The following PCNX2 variants were observed in gnomAD, a reference collection of about 807,000 sequenced individuals.
The protein encoded by PCNX2 is pecanex-like protein 2.
In PCNX2, 168 loss-of-function variants were observed where a neutral mutation model predicts 223.8. The ratio of observed to expected loss-of-function variants is 0.75; its 90% CI spans 0.66 to 0.85. The LOEUF (loss-of-function observed/expected upper bound fraction) is 0.85, where lower values mean the gene tolerates loss of function less well. Among genes scored for constraint, PCNX2 ranks in the 40% least tolerant of loss-of-function variants. The pLI is 0.00. For missense variants in PCNX2, 2,507 were observed against 2,675.5 expected (o/e 0.94, Z 1.39); for synonymous variants, 1,006 against 1,052.6 (o/e 0.96, Z 0.86).
chr1:233,205,921 G>A (rs1367147719), intron 13 of PCNX2, among the ~76,000 whole-genome samples: 1 of 152,144 alleles, frequency 6.6e-6, no homozygotes, highest in Non-Finnish European at 1.5e-5. Flanking sequence ...TACAAAATGG[G>A]CTAAGGACTA....
chr1:233,013,191 A>C (rs1670527138), intron 28 of PCNX2, among the ~76,000 whole-genome samples: 3 of 152,212 alleles, frequency 2.0e-5, no homozygotes. Context: ...TGAGACTTTA[A>C]GGGTCAGAGT....
chr1:233,114,976 A>T (rs1193308768), intron 21 of PCNX2, among the ~76,000 whole-genome samples: 1 of 152,078 alleles, frequency 6.6e-6, no homozygotes, highest in Non-Finnish European at 1.5e-5. Context: ...AAGATTAAAC[A>T]ATGCAAAACA....
intron 21 of PCNX2, among the ~76,000 whole-genome samples, chr1:233,131,294 A>T (rs115060994): frequency 1.5e-3 from 231 of 152,306 alleles, no homozygotes; most frequent in Non-Finnish European, 2.7e-3. Flanking sequence ...TTGTGCAAGG[A>T]ATTGTCCCAG....
At chr1:232,998,967 G>T in intron 31 of PCNX2, 138 bp downstream of exon 31, 1 of 933,414 alleles carries the variant, frequency 1.1e-6, no homozygotes, top group South Asian at 1.9e-5. Context: ...TCTGTTCGAT[G>T]CCACTTGGGG....
At chr1:233,096,797 T>A (rs1407009502) in intron 21 of PCNX2, among the ~76,000 whole-genome samples, 1 of 152,050 alleles carries the variant, frequency 6.6e-6, no homozygotes, top group Non-Finnish European at 1.5e-5. Context: ...AAACAGAAGG[T>A]CACAATGAAA....
chr1:232,984,757 T>G (rs1669407262), intron 33 of PCNX2: 1 of 347,608 alleles, frequency 2.9e-6, no homozygotes, highest in African/African-American at 2.1e-5. Flanking sequence ...GGGGCATTTG[T>G]GCGCCTGGCT....
At chr1:233,289,432 C>T (rs749693697) in intron 1 of PCNX2, 27 of 1,404,358 alleles carry the variant, frequency 1.9e-5, no homozygotes, top group East Asian at 2.3e-5. Flanking sequence ...ACGATCTTGG[C>T]GCTCGTACTG....
At position 232,998,322 on chromosome 1, in the gene PCNX2, C is replaced by G; in HGVS notation, c.5720G>C (p.Ser1907Thr). 1.2e-6 allele frequency: 2 copies of G among 1,613,070 alleles called. No individual in the cohort carries two copies. Among genetic ancestry groups the G allele is most frequent in the Non-Finnish European group, 1.7e-6 (2 of 1,179,558 alleles). The change falls in exon 32 of 34, where the codon AGC becomes ACC. Residue 1907 changes from serine (S) to threonine (T), a missense_variant. By Grantham distance (58) the Ser-to-Thr change is moderately conservative (BLOSUM62 1). Around this residue, in one of 3 missense-constraint regions of PCNX2, gnomAD observed 1,372 missense variants for 1,509.4 expected, o/e 0.91. Coordinates refer to ENST00000258229, the MANE Select transcript of PCNX2 (RefSeq NM_014801.4). ...GCCTTTTCTGGGCTGTTCTGCGCTG[C>G]TCTCCTGGCTGCCACCACTCGGGGC... ...NNAPSGGSQE[S>T]SAEQPRKGGA...
chr1:233,006,194 G>C (rs879408915), intron 28 of PCNX2, among the ~76,000 whole-genome samples: 3 of 152,140 alleles, frequency 2.0e-5, no homozygotes, highest in African/African-American at 7.2e-5. Flanking sequence ...AAAATGTCAC[G>C]CTTTCAGATG....
intron 2 of PCNX2, among the ~76,000 whole-genome samples, chr1:233,262,732 T>C (rs1660121082): frequency 6.6e-6 from 1 of 152,116 alleles, no homozygotes; most frequent in South Asian, 2.1e-4. Flanking sequence ...CTAGATCTTA[T>C]GAGAAGGTCA....
At chr1:233,131,373 G>A (rs1009317512) in intron 21 of PCNX2, among the ~76,000 whole-genome samples, 6 of 151,808 alleles carry the variant, frequency 4.0e-5, no homozygotes, top group Admixed American at 3.9e-4. Context: ...CATTCAAAGA[G>A]ACTTTTTTTT....
chr1:233,179,206 C>T, intron 15 of PCNX2, 31 bp from the exon 16 acceptor site: 1 of 1,606,044 alleles, frequency 6.2e-7, no homozygotes, highest in Non-Finnish European at 8.5e-7. Flanking sequence ...AGCCAAGTCA[C>T]TCCACAGCTG....
chr1:233,207,375 C>G lies in PCNX2; in HGVS notation c.2863+1143G>C, dbSNP rs928096053. On this transcript the variant is annotated intron_variant, in intron 13 of 33. Transcript: ENST00000258229. ...GATTTCCAGCTGGCAAGCGAGAGAT[C>G]CAGCTAGTGATGTTGGTAGAAGCTG... is the stretch of plus-strand genomic sequence containing the variant. Among the ~76,000 whole-genome samples the G allele has an allele frequency of 2.6e-5, 4 of 152,170 alleles. No homozygotes were observed. In the East Asian group the frequency reaches 7.7e-4, roughly 29 times the overall value.
intron 32 of PCNX2, among the ~76,000 whole-genome samples, chr1:232,993,295 A>G (rs986108319): frequency 1.3e-5 from 2 of 152,218 alleles, no homozygotes; most frequent in Non-Finnish European, 2.9e-5. Flanking sequence ...TAGAACAAAG[A>G]TCACTCTTGC....
chr1:233,244,240 A>G (rs1658965155), intron 8 of PCNX2, among the ~76,000 whole-genome samples: 1 of 152,266 alleles, frequency 6.6e-6, no homozygotes, highest in African/African-American at 2.4e-5. Flanking sequence ...AACGTCAAAC[A>G]AAAAGTAAAT....
intron 8 of PCNX2, among the ~76,000 whole-genome samples, chr1:233,247,432 A>G (rs1659187449): frequency 6.6e-6 from 1 of 152,254 alleles, no homozygotes; most frequent in Non-Finnish European, 1.5e-5. Context: ...GAAGTTACAC[A>G]TGGCAATGTG....
intron 16 of PCNX2, 101 bp downstream of exon 16, chr1:233,178,965 T>C: frequency 3.1e-6 from 3 of 973,436 alleles, no homozygotes; most frequent in Admixed American, 2.1e-5. Context: ...CAAATCACAA[T>C]GGGCAGTGAA....
intron 23 of PCNX2, among the ~76,000 whole-genome samples, chr1:233,073,073 A>G (rs767006147): frequency 3.9e-5 from 6 of 152,106 alleles, no homozygotes; most frequent in Non-Finnish European, 8.8e-5. Flanking sequence ...TATACTTGTT[A>G]TATAGTCTAT....
intron 5 of PCNX2, 113 bp from the exon 6 acceptor site, chr1:233,252,901 C>A: frequency 9.2e-7 from 1 of 1,091,400 alleles, no homozygotes; most frequent in Non-Finnish European, 1.3e-6. Context: ...TAAGCAGCTC[C>A]TCTGCATGCA....
Sources: allele counts gnomAD v4.1 joint callset (sites outside exome capture counted in the v4.1 genomes callset), GRCh38; gene constraint gnomAD v4.1.1; regional missense constraint gnomAD v4.1.1; transcripts MANE v1.5; gene names NCBI Gene and HGNC (gene_info 2026-07-23, HGNC 2026-07-21).